SNX20: variants seen among roughly 807,000 people sequenced by gnomAD.
The protein encoded by SNX20 is sorting nexin-20.
Under a neutral mutation model 24.5 loss-of-function variants are expected in SNX20, and 21 were observed. The observed-to-expected ratio is 0.86, with a 90% CI of 0.61 to 1.23. The LOEUF (loss-of-function observed/expected upper bound fraction) is 1.23. SNX20 is among the 50% of genes most tolerant of loss of function. The pLI is 0.00. For synonymous variants in SNX20, 206 were observed against 192.8 expected (o/e 1.07, Z -0.57); for missense variants, 433 against 430.8 (o/e 1.00, Z -0.04).
chr16:50,673,491 T>C lies in SNX20; in HGVS notation c.866A>G (p.Glu289Gly), dbSNP rs372280737. Residue 289 changes from glutamate to glycine, a missense_variant, in exon 4 of 4, where the codon GAG (glutamate) becomes GGG (glycine). Transcript: ENST00000330943. This position sits in a 1 kb window ranked among gnomAD's most constrained non-coding sequence, Gnocchi z 4.1. ...ALGKDFVTLQ[E>G]RLEESQLRRP... ...CCGGAGCTGGCTCTCCTCCAGCCTC[T>C]CCTGCAGAGTCACGAAGTCCTTGCC... The C allele has an allele frequency of 3.7e-6, 6 of 1,608,930 alleles. No homozygotes were observed. In the African/African-American group the frequency reaches 8.1e-5, roughly 22 times the overall value.
At chr16:50,668,897 C>T (rs1962976627), downstream of SNX20, 1 of 1,453,408 alleles carries the variant, frequency 6.9e-7, no homozygotes, top group Admixed American at 2.5e-5. Flanking sequence ...TGAACTGTGC[C>T]TCCCAGCCTG....
chr16:50,680,397 G>A (rs1330520691), intron 1 of SNX20, among the ~76,000 whole-genome samples: 1 of 152,118 alleles, frequency 6.6e-6, no homozygotes, highest in Admixed American at 6.5e-5. Flanking sequence ...TTGGCCCAGG[G>A]GACAGAGCAG....
chr16:50,674,245 A>G (rs556006751), intron 3 of SNX20, among the ~76,000 whole-genome samples, 171 bp from the exon 4 acceptor site: 67 of 151,264 alleles, frequency 4.4e-4, no homozygotes, highest in African/African-American at 1.4e-3. Context: ...TTATTTATTT[A>G]TTTATTTATT....
At position 50,675,879 on chromosome 16, in the gene SNX20, C is replaced by T. The variant is rs1042970230; in HGVS notation, c.173G>A (p.Arg58Gln). 8.7e-6 allele frequency: 14 copies of T among 1,611,960 alleles called. No homozygotes were observed. The highest frequency in any genetic ancestry group is 5.4e-5 in the African/African-American group (4 of 74,762). Reference protein sequence around the residue: ...GLSSNSSMTTRELQQYWQNQK... With the variant: ...GLSSNSSMTTQELQQYWQNQK... ...GTTCTGCCAGTACTGCTGAAGCTCC[C>T]GCGTGGTCATGCTGGAGTTGGAGCT... The change falls in exon 3 of 4, where the codon CGG (arginine) becomes CAG (glutamine). Residue 58 changes from arginine to glutamine, a missense_variant. Coordinates refer to ENST00000330943, the MANE Select transcript of SNX20 (RefSeq NM_182854.4).
At chr16:50,668,580 T>C (rs1214382414), downstream of SNX20, 3 of 1,014,260 alleles carry the variant, frequency 3.0e-6, no homozygotes, top group Non-Finnish European at 3.5e-6. Context: ...AAACAGCTGG[T>C]GATTGATAGA....
intron 1 of SNX20, among the ~76,000 whole-genome samples, chr16:50,678,442 G>A (rs529350119): frequency 2.4e-4 from 37 of 152,316 alleles, no homozygotes; most frequent in Admixed American, 4.6e-4. Flanking sequence ...GTGAGTGTGC[G>A]CAACAAGCAA....
At chr16:50,677,232 G>A (rs559189072) in intron 2 of SNX20, among the ~76,000 whole-genome samples, 165 bp downstream of exon 2, 6 of 152,124 alleles carry the variant, frequency 3.9e-5, no homozygotes, top group South Asian at 2.1e-4. Flanking sequence ...ACCGTCTCCC[G>A]GATAAACAGC....
chr16:50,670,937 A>G (rs1963034073), downstream of SNX20: 2 of 152,298 alleles, frequency 1.3e-5, no homozygotes, highest in South Asian at 4.1e-4. Flanking sequence ...CCTTTTTGGG[A>G]AGCCTGAATA....
In SNX20 at chr16:50,673,740, T is replaced by C; in HGVS notation, c.617A>G (p.Glu206Gly). ...CAGCGGCAGCACGCGCAGCAGCAGCTCCAGGGCGCGCGGGTACTGGCCGGC... is the reference window on the plus strand; with the variant it reads ...CAGCGGCAGCACGCGCAGCAGCAGCCCCAGGGCGCGCGGGTACTGGCCGGC... ...LRAGQYPRAL[E>G]LLLRVLPLQE... Residue 206 changes from glutamate to glycine, a missense_variant, in exon 4 of 4, where the codon GAG becomes GGG. Transcript: ENST00000330943. This position sits in a 1 kb window ranked among gnomAD's most constrained non-coding sequence, Gnocchi z 4.1. 6.6e-7 allele frequency: 1 copy of C among 1,506,260 alleles called. No individual in the cohort carries two copies. The highest frequency in any genetic ancestry group is 1.3e-5 in the South Asian group (1 of 79,290). The allele number at this position is 1,506,260 out of a possible 1,614,324, so 93.3% of individuals were successfully genotyped here. A position where few individuals can be genotyped will look rare whatever the true frequency, so the allele number is the denominator to read the frequency against.
At chr16:50,669,299 A>G (rs1962986478), downstream of SNX20, 1 of 588,986 alleles carries the variant, frequency 1.7e-6, no homozygotes, top group Admixed American at 2.8e-5. Flanking sequence ...TGGCACCAGC[A>G]TTGCTTCTTG....
At position 50,673,673 on chromosome 16, in the gene SNX20, C is replaced by A. The variant is rs576966789; in HGVS notation, c.684G>T (p.Pro228=). 1 of 1,495,974 alleles carries A rather than the reference C, an allele frequency of 6.7e-7. No homozygotes were observed. The highest frequency in any genetic ancestry group is 2.6e-5 in the East Asian group (1 of 37,934). The allele number at this position is 1,495,974 out of a possible 1,614,324, so 92.7% of individuals were successfully genotyped here. A position where few individuals can be genotyped will look rare whatever the true frequency, so the allele number is the denominator to read the frequency against. ...LTAHCPAAAV[P]ALCAVLLCHR... ...GGCACAGCAGCACGGCGCACAGGGCCGGGACGGCGGCCGCAGGGCAGTGGG... is the reference window on the plus strand; with the variant it reads ...GGCACAGCAGCACGGCGCACAGGGCAGGGACGGCGGCCGCAGGGCAGTGGG... The change falls in exon 4 of 4, where the codon CCG becomes CCT. Residue 228 remains proline, a synonymous_variant. Coordinates refer to ENST00000330943, the MANE Select transcript of SNX20 (RefSeq NM_182854.4). The surrounding 1 kb of genome is among the most constrained non-coding windows in gnomAD (Gnocchi z 4.1).
chr16:50,680,600 G>T (rs1449003048), intron 1 of SNX20, among the ~76,000 whole-genome samples: 1 of 152,146 alleles, frequency 6.6e-6, no homozygotes, highest in Non-Finnish European at 1.5e-5. Flanking sequence ...TGAGCCTCTA[G>T]GGGGTGAAAT....
intron 3 of SNX20, 140 bp from the exon 4 acceptor site, chr16:50,674,214 T>C: frequency 2.3e-6 from 2 of 867,196 alleles, no homozygotes; most frequent in Non-Finnish European, 3.1e-6. Context: ...TGTTTGTTTG[T>C]TTGTTTGTTT....
chr16:50,668,492 G>C (rs1962967175), downstream of SNX20: 1 of 926,788 alleles, frequency 1.1e-6, no homozygotes, highest in Admixed American at 5.0e-5. Context: ...AAGTGATTCT[G>C]AGTTTCCATT....
In SNX20 at chr16:50,680,609, A is replaced by G. The variant is rs555799079; in HGVS notation, c.-10+581T>C. 9.2e-4 allele frequency among the ~76,000 whole-genome samples: 140 copies of G among 152,246 alleles called. 2 individuals carry two copies. The highest frequency in any genetic ancestry group is 3.2e-3 in the African/African-American group (132 of 41,538). ...GGGGGATGAGCCTCTAGGGGGTGAAATAAAGCACATGGCCCACGCTGGGAG... is the reference window on the plus strand; with the variant it reads ...GGGGGATGAGCCTCTAGGGGGTGAAGTAAAGCACATGGCCCACGCTGGGAG... On this transcript the variant is annotated intron_variant, in intron 1 of 3. Coordinates refer to ENST00000330943, the MANE Select transcript of SNX20 (RefSeq NM_182854.4).
At chr16:50,668,764 C>A (rs1962973664), downstream of SNX20, 2 of 1,175,734 alleles carry the variant, frequency 1.7e-6, no homozygotes, top group African/African-American at 3.2e-5. Flanking sequence ...GTGTTGGGAG[C>A]CAACCTACCC....
At chr16:50,668,867 CA>C, downstream of SNX20, 1 of 1,396,872 alleles carries the variant, frequency 7.2e-7, no homozygotes, top group Non-Finnish European at 9.3e-7. Context: ...CATTCTAGGC[CA>C]AGGGGTCACA....
chr16:50,669,908 C>T (rs77642870), downstream of SNX20: 4,450 of 152,294 alleles, frequency 0.029, 95 homozygotes, highest in Middle Eastern at 0.065. Context: ...TGACTTTTAC[C>T]GCACAGGGAG....
downstream of SNX20, chr16:50,671,328 G>C (rs1299744668): frequency 6.6e-6 from 1 of 152,044 alleles, no homozygotes; most frequent in South Asian, 2.1e-4. Context: ...TGTGTATTCA[G>C]CCCTAAAACA....
Sources: gnomAD v4.1 joint callset for allele counts (sites outside exome capture counted in the v4.1 genomes callset) on GRCh38, gnomAD v4.1.1 for gene constraint, Gnocchi (gnomAD v3.1) non-coding constraint, MANE v1.5 for transcripts, NCBI Gene and HGNC (gene_info 2026-07-23, HGNC 2026-07-21) for gene names.